SPMAP2L: variants seen among roughly 807,000 people sequenced by gnomAD.
SPMAP2L encodes sperm microtubule associated protein 2 like.
At chr4:56,609,050 CTTT>C in the SPMAP2L span, among the ~76,000 whole-genome samples, 1,973 of 115,596 alleles carry the variant, frequency 0.017, 37 homozygotes, top group African/African-American at 0.057. Flanking sequence ...TTCTTTCTTT[CTTT>C]TTTTTTTTTT....
the SPMAP2L span, among the ~76,000 whole-genome samples, chr4:56,609,407 C>A: frequency 6.6e-6 from 1 of 152,094 alleles, no homozygotes; most frequent in Non-Finnish European, 1.5e-5. Flanking sequence ...GGGGAGTTTG[C>A]TTCAAACTAA....
the SPMAP2L span, among the ~76,000 whole-genome samples, chr4:56,572,320 A>G: frequency 4.6e-4 from 70 of 152,222 alleles, no homozygotes; most frequent in African/African-American, 1.6e-3. Context: ...TCACAAAGCA[A>G]TAGGAATTTT....
chr4:56,594,872 C>T, the SPMAP2L span: 18 of 1,609,768 alleles, frequency 1.1e-5, no homozygotes, highest in East Asian at 2.2e-5. Context: ...GGGAATCTGT[C>T]GCCCTGGAGA....
chr4:56,568,313 T>C, the SPMAP2L span, among the ~76,000 whole-genome samples: 2 of 152,248 alleles, frequency 1.3e-5, no homozygotes, highest in African/African-American at 4.8e-5. Flanking sequence ...GGTCATAATT[T>C]ACTGCTTCTT....
the SPMAP2L span, among the ~76,000 whole-genome samples, chr4:56,608,392 G>T: frequency 1.3e-5 from 2 of 152,160 alleles, no homozygotes; most frequent in African/African-American, 4.8e-5. Context: ...TTGGTAAGGC[G>T]ATTAGTATGG....
At chr4:56,610,245 T>C in the SPMAP2L span, among the ~76,000 whole-genome samples, 3 of 152,058 alleles carry the variant, frequency 2.0e-5, no homozygotes, top group Admixed American at 2.0e-4. Flanking sequence ...GCTATAAAAA[T>C]AGGCACATAG....
chr4:56,544,355 A>G, the SPMAP2L span, among the ~76,000 whole-genome samples: 2 of 152,232 alleles, frequency 1.3e-5, no homozygotes, highest in African/African-American at 2.4e-5. Flanking sequence ...ACCTCTTAAG[A>G]TGGGTTCTTT....
the SPMAP2L span, chr4:56,603,419 C>A: frequency 2.7e-6 from 2 of 744,868 alleles, no homozygotes; most frequent in Non-Finnish European, 4.0e-6. Context: ...TTTACATTCA[C>A]CCCTTGCTTC....
chr4:56,603,257 G>A, the SPMAP2L span: 2 of 1,534,928 alleles, frequency 1.3e-6, no homozygotes, highest in Non-Finnish European at 1.7e-6. Flanking sequence ...TTAAAACCAA[G>A]CCAGCTGCTT....
the SPMAP2L span, among the ~76,000 whole-genome samples, chr4:56,583,970 A>ATT: frequency 6.8e-6 from 1 of 147,286 alleles, no homozygotes. Flanking sequence ...TAAAATGTAA[A>ATT]TTTTTTTTTT....
At chr4:56,594,024 G>T in the SPMAP2L span, 10 of 1,611,376 alleles carry the variant, frequency 6.2e-6, no homozygotes, top group Non-Finnish European at 8.5e-6. Flanking sequence ...GCCGCTCAGC[G>T]GCAGATCAAT....
chr4:56,589,955 A>T, the SPMAP2L span, among the ~76,000 whole-genome samples: 6 of 152,124 alleles, frequency 3.9e-5, no homozygotes, highest in South Asian at 2.1e-4. Context: ...TGATCATGTC[A>T]TGCAAACAGT....
chr4:56,606,615 T>C, the SPMAP2L span, among the ~76,000 whole-genome samples: 1 of 152,012 alleles, frequency 6.6e-6, no homozygotes, highest in South Asian at 2.1e-4. Context: ...CTGAGGCAGA[T>C]GGAAGGATGC....
chr4:56,537,020 T>A, the SPMAP2L span, among the ~76,000 whole-genome samples: 1 of 152,150 alleles, frequency 6.6e-6, no homozygotes, highest in Non-Finnish European at 1.5e-5. Flanking sequence ...CACCTCAGCC[T>A]CACAAAGTGC....
chr4:56,564,968 G>T, the SPMAP2L span, among the ~76,000 whole-genome samples: 1 of 152,122 alleles, frequency 6.6e-6, no homozygotes, highest in African/African-American at 2.4e-5. Context: ...ATATATGGGG[G>T]ATTTTCCAGA....
chr4:56,531,200 C>G, the SPMAP2L span: 1 of 1,497,958 alleles, frequency 6.7e-7, no homozygotes, highest in Non-Finnish European at 8.9e-7. Flanking sequence ...GTCCCCTCTC[C>G]TGCTTCTCCC....
chr4:56,554,181 G>T, the SPMAP2L span, among the ~76,000 whole-genome samples: 5 of 152,014 alleles, frequency 3.3e-5, no homozygotes, highest in Non-Finnish European at 5.9e-5. Context: ...GGTTTTTTTG[G>T]TATATTTAAG....
At chr4:56,557,064 C>G in the SPMAP2L span, among the ~76,000 whole-genome samples, 8 of 151,284 alleles carry the variant, frequency 5.3e-5, no homozygotes, top group African/African-American at 1.2e-4. Flanking sequence ...GCCTGGCCAA[C>G]GTAGTGAAAC....
At chr4:56,536,690 C>T in the SPMAP2L span, among the ~76,000 whole-genome samples, 3 of 152,130 alleles carry the variant, frequency 2.0e-5, 1 homozygote, top group South Asian at 6.2e-4. Flanking sequence ...CCATAAAGGT[C>T]TTAGAACAGA....
Sources: gnomAD v4.1 joint callset for allele counts (sites outside exome capture counted in the v4.1 genomes callset) on GRCh38, gnomAD v4.1.1 for gene constraint, MANE v1.5 for transcripts, NCBI Gene and HGNC (gene_info 2026-07-23, HGNC 2026-07-21) for gene names.